The following HPSE2 variants were observed in gnomAD, a reference collection of about 807,000 sequenced individuals.
HPSE2 encodes the protein heparanase 2 (inactive).
Under a neutral mutation model 60.5 loss-of-function variants are expected in HPSE2, and 38 were observed. That is an observed-to-expected ratio of 0.63 (90% CI 0.48 to 0.82). The LOEUF is 0.82. HPSE2 is among the 40% of genes least tolerant of loss of function. The pLI is 0.00. For synonymous variants in HPSE2, 295 were observed against 293.2 expected (o/e 1.01, Z -0.06); for missense variants, 713 against 740.4 (o/e 0.96, Z 0.43).
the HPSE2 span, among the ~76,000 whole-genome samples, chr10:99,250,795 C>A: frequency 6.6e-6 from 1 of 152,230 alleles, no homozygotes; most frequent in African/African-American, 2.4e-5. Flanking sequence ...TTAAAAAATT[C>A]TTTGAAGTAA....
intron 2 of HPSE2, among the ~76,000 whole-genome samples, chr10:99,231,696 CAG>C (rs1849649996): frequency 1.4e-5 from 2 of 146,866 alleles, no homozygotes; most frequent in African/African-American, 5.2e-5. Flanking sequence ...CATTTTAAAA[CAG>C]AAAAAAAAAA....
chr10:98,773,739 G>A (rs1488042583), intron 3 of HPSE2, among the ~76,000 whole-genome samples: 1 of 152,082 alleles, frequency 6.6e-6, no homozygotes, highest in Non-Finnish European at 1.5e-5. Flanking sequence ...AAATCTATAC[G>A]ATGAAATTCA....
intron 2 of HPSE2, among the ~76,000 whole-genome samples, chr10:99,148,837 A>T (rs765742018): frequency 6.6e-5 from 10 of 152,062 alleles, no homozygotes; most frequent in Non-Finnish European, 1.3e-4. Context: ...AATAGTTGAA[A>T]CTATGATTCA....
At chr10:98,915,247 A>C (rs1286921355) in intron 3 of HPSE2, among the ~76,000 whole-genome samples, 1 of 150,836 alleles carries the variant, frequency 6.6e-6, no homozygotes, top group Non-Finnish European at 1.5e-5. Flanking sequence ...TCCCAGGTTC[A>C]TGCCATTCTC....
At chr10:98,892,603 A>G (rs977456061) in intron 3 of HPSE2, among the ~76,000 whole-genome samples, 41 of 152,316 alleles carry the variant, frequency 2.7e-4, no homozygotes, top group Admixed American at 2.6e-3. Flanking sequence ...GGAACAAAAA[A>G]GATGCTCACA....
At chr10:99,148,763 C>T (rs961280692) in intron 2 of HPSE2, among the ~76,000 whole-genome samples, 1 of 151,558 alleles carries the variant, frequency 6.6e-6, no homozygotes, top group Non-Finnish European at 1.5e-5. Flanking sequence ...GCACTCCAGC[C>T]CGGGCAAAAA....
At chr10:98,869,569 T>C (rs1396203749) in intron 3 of HPSE2, among the ~76,000 whole-genome samples, 6 of 152,186 alleles carry the variant, frequency 3.9e-5, no homozygotes, top group African/African-American at 7.2e-5. Context: ...CCAAATGTGA[T>C]TATACAGTTC....
chr10:98,708,427 GC>G (rs2134212144), intron 5 of HPSE2, among the ~76,000 whole-genome samples: 1 of 148,260 alleles, frequency 6.7e-6, no homozygotes, highest in African/African-American at 2.5e-5. Flanking sequence ...CTGCACTCCA[GC>G]CTGGGCGACA....
chr10:98,852,547 G>A (rs1028180152), intron 3 of HPSE2, among the ~76,000 whole-genome samples: 4 of 152,162 alleles, frequency 2.6e-5, no homozygotes, highest in African/African-American at 9.7e-5. Context: ...ATACTCAAGA[G>A]AAAAGAATGC....
At chr10:98,904,107 T>C (rs561497033) in intron 3 of HPSE2, among the ~76,000 whole-genome samples, 2 of 152,170 alleles carry the variant, frequency 1.3e-5, no homozygotes, top group African/African-American at 4.8e-5. Context: ...TGTATTATAG[T>C]ACACTGTGAT....
intron 3 of HPSE2, among the ~76,000 whole-genome samples, chr10:98,805,051 A>G (rs1951010312): frequency 6.6e-6 from 1 of 152,196 alleles, no homozygotes; most frequent in South Asian, 2.1e-4. Flanking sequence ...CAAACATCGC[A>G]TGTTCTTACT....
chr10:99,176,607 G>T (rs1298648027), intron 2 of HPSE2, among the ~76,000 whole-genome samples: 1 of 152,064 alleles, frequency 6.6e-6, no homozygotes, highest in African/African-American at 2.4e-5. Context: ...AAGCCTCCAA[G>T]AAATATGGGA....
intron 9 of HPSE2, among the ~76,000 whole-genome samples, chr10:98,563,788 A>G (rs1186753337): frequency 1.3e-5 from 2 of 152,130 alleles, no homozygotes; most frequent in African/African-American, 4.8e-5. Flanking sequence ...GTCATTTTCA[A>G]TATTCAAGAT....
intron 9 of HPSE2, among the ~76,000 whole-genome samples, chr10:98,586,318 C>G (rs369228675): frequency 2.4e-4 from 36 of 152,214 alleles, no homozygotes; most frequent in African/African-American, 7.2e-4. Context: ...CTCTTACCAC[C>G]AACAGCTATG....
chr10:98,915,382 C>T (rs1954091714), intron 3 of HPSE2, among the ~76,000 whole-genome samples: 1 of 152,010 alleles, frequency 6.6e-6, no homozygotes, highest in African/African-American at 2.4e-5. Flanking sequence ...CTCCTGACCT[C>T]CTGATCTGCC....
intron 3 of HPSE2, among the ~76,000 whole-genome samples, chr10:98,827,350 CAT>C (rs1458993756): frequency 6.6e-6 from 1 of 151,944 alleles, no homozygotes; most frequent in Non-Finnish European, 1.5e-5. Flanking sequence ...GGACTACAGG[CAT>C]GCACCACCAC....
chr10:98,845,845 T>C (rs1265587282), intron 3 of HPSE2, among the ~76,000 whole-genome samples: 6 of 152,204 alleles, frequency 3.9e-5, no homozygotes, highest in Non-Finnish European at 8.8e-5. Flanking sequence ...CTGGAGTCTT[T>C]AGAGCACAAG....
chr10:98,910,361 T>C (rs1010883667), intron 3 of HPSE2, among the ~76,000 whole-genome samples: 1 of 152,014 alleles, frequency 6.6e-6, no homozygotes, highest in African/African-American at 2.4e-5. Context: ...AAATTTCAAC[T>C]GAAGGGAATA....
rs377288287 is a variant in HPSE2 at position 98,803,006 on chromosome 10, T to C, written c.611-58950A>G. 7.8e-3 allele frequency among the ~76,000 whole-genome samples: 1,154 copies of C among 147,290 alleles called. 15 individuals are homozygous for C. Among genetic ancestry groups the C allele is most frequent in the African/African-American group, 0.027 (1,057 of 39,792 alleles). ...TGTTGTTTCCTGACTTTTTAATGATTGCCATTCTAACTGGTGTGAGATGGT... is the reference window on the plus strand; with the variant it reads ...TGTTGTTTCCTGACTTTTTAATGATCGCCATTCTAACTGGTGTGAGATGGT... On this transcript the variant is annotated intron_variant, in intron 3 of 11. Transcript: ENST00000370552.
Sources: allele counts gnomAD v4.1 joint callset (sites outside exome capture counted in the v4.1 genomes callset), GRCh38; gene constraint gnomAD v4.1.1; transcripts MANE v1.5; gene names NCBI Gene and HGNC (gene_info 2026-07-23, HGNC 2026-07-21).